The following ASTN1 variants were observed in gnomAD, a reference collection of about 807,000 sequenced individuals.
ASTN1 encodes astrotactin-1.
Under a neutral mutation model 140.7 loss-of-function variants are expected in ASTN1, and 41 were observed. The observed-to-expected ratio is 0.29, with a 90% CI of 0.23 to 0.38. The LOEUF (loss-of-function observed/expected upper bound fraction) is 0.38, where lower values mean the gene tolerates loss of function less well. ASTN1 is among the 10% of genes least tolerant of loss of function. The pLI is 1.00. For synonymous variants in ASTN1, 640 were observed against 652.2 expected (o/e 0.98, Z 0.29); for missense variants, 1,479 against 1,678.8 (o/e 0.88, Z 2.08).
intron 1 of ASTN1, among the ~76,000 whole-genome samples, chr1:177,069,477 T>A (rs924878920): frequency 1.3e-5 from 2 of 152,122 alleles, no homozygotes; most frequent in Admixed American, 1.3e-4. Context: ...CATAGTTTGT[T>A]GTCTCTGGGG....
At chr1:177,007,618 T>C (rs1675062149) in intron 8 of ASTN1, among the ~76,000 whole-genome samples, 1 of 152,102 alleles carries the variant, frequency 6.6e-6, no homozygotes, top group African/African-American at 2.4e-5. Context: ...CTCCCAGACT[T>C]GTGAAATTTA....
intron 1 of ASTN1, among the ~76,000 whole-genome samples, chr1:177,086,658 A>T (rs1176440313): frequency 1.3e-5 from 2 of 152,228 alleles, no homozygotes; most frequent in Non-Finnish European, 2.9e-5. Flanking sequence ...TTTTTTAAAA[A>T]ACTTTTTTAA....
intron 16 of ASTN1, among the ~76,000 whole-genome samples, chr1:176,904,894 T>C (rs1217434708): frequency 6.6e-6 from 1 of 151,986 alleles, no homozygotes. Flanking sequence ...AGCTACAGAG[T>C]GGAATTAGTG....
At position 177,035,374 on chromosome 1, in the gene ASTN1, C is replaced by A. The variant is rs1377343331; in HGVS notation, c.472-2525G>T. Among the ~76,000 whole-genome samples the A allele has an allele frequency of 3.9e-5, 6 of 152,170 alleles. No homozygotes were observed. The East Asian group carries it at 1.2e-3, about 29-fold the overall frequency. ...GAGAGTATGGATGAATACATCCAGA[C>A]CCATTGTCAGTTCTGGAAGAAAAAA... On this transcript the variant is annotated intron_variant, in intron 2 of 22. Transcript: ENST00000361833.
chr1:176,931,725 C>T (rs1671212366), intron 16 of ASTN1, among the ~76,000 whole-genome samples: 1 of 152,300 alleles, frequency 6.6e-6, no homozygotes, highest in Non-Finnish European at 1.5e-5. Flanking sequence ...CTCAGGGGAA[C>T]TTTTACACCA....
intron 11 of ASTN1, among the ~76,000 whole-genome samples, chr1:176,956,582 C>T (rs573244165): frequency 9.2e-5 from 14 of 152,290 alleles, no homozygotes; most frequent in Middle Eastern, 3.4e-3. Flanking sequence ...CTGCTCCAAC[C>T]GCCAATCCAG....
chr1:177,019,967 C>A (rs927425989), intron 7 of ASTN1, among the ~76,000 whole-genome samples: 1 of 152,174 alleles, frequency 6.6e-6, no homozygotes, highest in Non-Finnish European at 1.5e-5. Flanking sequence ...TCACTGCAGC[C>A]TCGACCTCCC....
intron 1 of ASTN1, among the ~76,000 whole-genome samples, chr1:177,103,747 T>C (rs1571787726): frequency 1.3e-5 from 2 of 152,062 alleles, no homozygotes; most frequent in Non-Finnish European, 2.9e-5. Context: ...CATACAGTCC[T>C]CGAACCAGCC....
At chr1:177,120,544 C>G (rs920848224) in intron 1 of ASTN1, among the ~76,000 whole-genome samples, 1 of 152,184 alleles carries the variant, frequency 6.6e-6, no homozygotes, top group Non-Finnish European at 1.5e-5. Context: ...ACTTAATTCT[C>G]CCAGCTTCTG....
At position 177,137,501 on chromosome 1, in the gene ASTN1, T is replaced by C. The variant is rs141230972; in HGVS notation, c.283+26893A>G. On this transcript the variant is annotated intron_variant, in intron 1 of 22. Transcript: ENST00000361833. ...TTCCCAGAGGCAGGTCTGCTGAACA[T>C]AGATTCATAAAATCTGCAGCTAGAA... is the stretch of plus-strand genomic sequence containing the variant. 1.2e-3 allele frequency among the ~76,000 whole-genome samples: 184 copies of C among 152,350 alleles called. 4 individuals are homozygous for C. The East Asian group carries it at 0.034, about 28-fold the overall frequency.
intron 8 of ASTN1, among the ~76,000 whole-genome samples, chr1:177,010,271 C>A (rs1675226961): frequency 6.6e-6 from 1 of 152,126 alleles, no homozygotes; most frequent in African/African-American, 2.4e-5. Flanking sequence ...TGTGTCTATG[C>A]AGCCACAGGG....
intron 7 of ASTN1, among the ~76,000 whole-genome samples, chr1:177,018,299 C>T (rs943070265): frequency 2.6e-5 from 4 of 152,104 alleles, no homozygotes; most frequent in African/African-American, 4.8e-5. Flanking sequence ...GGAACAAAAT[C>T]GGGACTGAGC....
chr1:177,108,000 T>C (rs1179177094), intron 1 of ASTN1, among the ~76,000 whole-genome samples: 2 of 152,066 alleles, frequency 1.3e-5, no homozygotes, highest in Non-Finnish European at 2.9e-5. Flanking sequence ...CACAATGCTA[T>C]GAAAAATATA....
At chr1:176,946,166 C>A in intron 12 of ASTN1, 46 bp from the exon 13 acceptor site, 1 of 1,461,286 alleles carries the variant, frequency 6.8e-7, no homozygotes, top group African/African-American at 1.4e-5. Context: ...CCATCAATGA[C>A]CCATGCAGGC....
chr1:176,919,671 T>C (rs376565046), intron 16 of ASTN1, among the ~76,000 whole-genome samples: 1 of 152,004 alleles, frequency 6.6e-6, no homozygotes, highest in East Asian at 1.9e-4. Flanking sequence ...CAAATAAAAA[T>C]ACAAAAAGCT....
intron 8 of ASTN1, among the ~76,000 whole-genome samples, chr1:177,006,652 T>C (rs548810928): frequency 6.6e-6 from 1 of 152,252 alleles, no homozygotes; most frequent in African/African-American, 2.4e-5. Context: ...AGAGGGTAAA[T>C]TGAGGTTGAT....
intron 8 of ASTN1, 47 bp downstream of exon 8, chr1:177,014,744 G>A: frequency 6.6e-7 from 1 of 1,523,082 alleles, no homozygotes; most frequent in Non-Finnish European, 9.1e-7. Context: ...TCTGTGTAAG[G>A]AGCAGTGATA....
intron 2 of ASTN1, among the ~76,000 whole-genome samples, chr1:177,051,863 G>A (rs1677557725): frequency 6.6e-6 from 1 of 152,042 alleles, no homozygotes; most frequent in Admixed American, 6.6e-5. Context: ...TTGTATGTGT[G>A]GATACCTGGG....
chr1:176,881,366 A>G (rs1668793687), intron 20 of ASTN1, among the ~76,000 whole-genome samples: 1 of 152,214 alleles, frequency 6.6e-6, no homozygotes, highest in African/African-American at 2.4e-5. Context: ...TCAGGCCAAC[A>G]TGAGGAGGGT....
Sources: allele counts gnomAD v4.1 joint callset (sites outside exome capture counted in the v4.1 genomes callset), GRCh38; gene constraint gnomAD v4.1.1; transcripts MANE v1.5; gene names NCBI Gene and HGNC (gene_info 2026-07-23, HGNC 2026-07-21).